MYRIP: variants seen among roughly 807,000 people sequenced by gnomAD.
MYRIP encodes myosin VIIA and Rab interacting protein.
In MYRIP, 49 loss-of-function variants were observed where a neutral mutation model predicts 98.0. That is an observed-to-expected ratio of 0.50 (90% CI 0.40 to 0.63). The LOEUF is 0.63. MYRIP is among the 30% of genes least tolerant of loss of function. MYRIP has a pLI of 0.00. For synonymous variants in MYRIP, 404 were observed against 409.5 expected (o/e 0.99, Z 0.16); for missense variants, 1,004 against 1,058.2 (o/e 0.95, Z 0.71).
intron 10 of MYRIP, among the ~76,000 whole-genome samples, chr3:40,200,408 A>C (rs574276782): frequency 7.9e-5 from 12 of 152,222 alleles, no homozygotes; most frequent in South Asian, 6.2e-4. Context: ...GGAGGAAAAA[A>C]ATGTGCATAA....
At position 40,259,665 on chromosome 3, in the gene MYRIP, G is replaced by A. The variant is rs1205892827; in HGVS notation, c.*1499G>A. The A allele has an allele frequency of 6.6e-6, 1 of 152,210 alleles. No homozygotes were observed. The highest frequency in any genetic ancestry group is 1.5e-5 in the Non-Finnish European group (1 of 68,036). The allele number at this position is 152,210 out of a possible 1,614,324, so 9.4% of individuals were successfully genotyped here. A position where few individuals can be genotyped will look rare whatever the true frequency, so the allele number is the denominator to read the frequency against. On this transcript the variant is annotated 3_prime_UTR_variant, in exon 17 of 17. Transcript: ENST00000302541. ...GATTTTCTGCTAACTTGTGTGCTAT[G>A]ATCCACTCCTGATGGGGGTCTACAT...
chr3:39,884,000 A>G (rs1336142706), intron 1 of MYRIP, among the ~76,000 whole-genome samples: 1 of 152,126 alleles, frequency 6.6e-6, no homozygotes, highest in Non-Finnish European at 1.5e-5. Context: ...TAAACTCTCT[A>G]CAAATCAGGA....
intron 2 of MYRIP, among the ~76,000 whole-genome samples, chr3:39,976,453 T>C (rs1945752721): frequency 6.6e-6 from 1 of 152,228 alleles, no homozygotes; most frequent in African/African-American, 2.4e-5. Flanking sequence ...GGTGGGACTC[T>C]AACCTAGTTC....
At chr3:39,811,154 C>G (rs529559848) in intron 1 of MYRIP, among the ~76,000 whole-genome samples, 3 of 152,146 alleles carry the variant, frequency 2.0e-5, no homozygotes, top group Non-Finnish European at 2.9e-5. Flanking sequence ...CCTAGCCTCT[C>G]TTGCCATTAT....
intron 3 of MYRIP, among the ~76,000 whole-genome samples, chr3:40,093,693 A>G (rs1209814897): frequency 6.6e-6 from 1 of 152,120 alleles, no homozygotes; most frequent in Non-Finnish European, 1.5e-5. Flanking sequence ...ACATTTTTCA[A>G]ACAGAAGTGA....
intron 11 of MYRIP, among the ~76,000 whole-genome samples, chr3:40,225,204 TG>T (rs1276217692): frequency 6.6e-6 from 1 of 152,114 alleles, no homozygotes; most frequent in Admixed American, 6.5e-5. Context: ...GGATTCCACT[TG>T]GAACAGGTTT....
chr3:40,020,215 C>A (rs1297949160), intron 2 of MYRIP, among the ~76,000 whole-genome samples: 2 of 152,176 alleles, frequency 1.3e-5, no homozygotes, highest in Non-Finnish European at 2.9e-5. Flanking sequence ...ATGTTTACCT[C>A]CCACTTACAA....
intron 1 of MYRIP, among the ~76,000 whole-genome samples, chr3:39,851,130 C>T (rs1942119035): frequency 6.6e-6 from 1 of 152,098 alleles, no homozygotes; most frequent in African/African-American, 2.4e-5. Context: ...TCTCTAAGAC[C>T]AGTCATTGCA....
chr3:40,215,110 G>A lies in MYRIP; in HGVS notation c.1905+5017G>A, dbSNP rs559666935. On this transcript the variant is annotated intron_variant, in intron 11 of 16. Transcript: ENST00000302541. The stretch of plus-strand genomic sequence containing the variant: ...AACATGAGCATTTATTAAAGGCCTA[G>A]ATTAGGAAAATCTTGCACTATAGTC... Among the ~76,000 whole-genome samples the A allele has an allele frequency of 2.0e-5, 3 of 152,304 alleles. No individual in the cohort carries two copies. The East Asian group carries it at 5.8e-4, about 29-fold the overall frequency.
At chr3:40,143,503 C>T (rs1949951866) in intron 3 of MYRIP, among the ~76,000 whole-genome samples, 1 of 152,174 alleles carries the variant, frequency 6.6e-6, no homozygotes, top group Non-Finnish European at 1.5e-5. Flanking sequence ...GCAATAAAAT[C>T]AGTAATATCA....
intron 1 of MYRIP, among the ~76,000 whole-genome samples, chr3:39,866,972 A>C (rs2125625328): frequency 6.6e-6 from 1 of 152,300 alleles, no homozygotes; most frequent in Admixed American, 6.5e-5. Context: ...ACTGACATAA[A>C]AACCAGTTCA....
In MYRIP at chr3:40,210,039, G is replaced by A. The variant is rs764877563; in HGVS notation, c.1851G>A (p.Lys617=). 1 of 1,614,076 alleles carries A rather than the reference G, an allele frequency of 6.2e-7. No homozygotes were observed. Among genetic ancestry groups the A allele is most frequent in the Non-Finnish European group, 8.5e-7 (1 of 1,179,970 alleles). ...SEPKTESENQ[K]ESLSSEDNSQ... ...CCAAGACAGAATCTGAGAACCAGAA[G>A]GAAAGTCTGTCCTCTGAAGACAACA... Residue 617 remains lysine, a synonymous_variant, in exon 11 of 17, where the codon AAG becomes AAA. Coordinates refer to ENST00000302541, the MANE Select transcript of MYRIP (RefSeq NM_015460.4).
intron 2 of MYRIP, among the ~76,000 whole-genome samples, chr3:39,941,991 C>T (rs955547573): frequency 1.1e-4 from 16 of 152,100 alleles, no homozygotes; most frequent in African/African-American, 2.9e-4. Flanking sequence ...ATGTTTGATC[C>T]TTTTGAAACT....
intron 1 of MYRIP, among the ~76,000 whole-genome samples, chr3:39,875,504 T>A (rs553615082): frequency 6.6e-6 from 1 of 152,048 alleles, no homozygotes; most frequent in South Asian, 2.1e-4. Context: ...CTCTACATCC[T>A]GCTTTGAATG....
intron 9 of MYRIP, 136 bp from the exon 10 acceptor site, chr3:40,189,690 C>A (rs1951145870): frequency 1.1e-6 from 1 of 926,992 alleles, no homozygotes; most frequent in Non-Finnish European, 1.6e-6. Flanking sequence ...TTGGGTTTGC[C>A]TTCCTGGGCT....
chr3:39,847,108 G>A (rs939210598), intron 1 of MYRIP, among the ~76,000 whole-genome samples: 1 of 152,074 alleles, frequency 6.6e-6, no homozygotes, highest in Non-Finnish European at 1.5e-5. Flanking sequence ...AATAATCACA[G>A]GTCCATCCTT....
rs576403560 is a variant in MYRIP at position 40,078,370 on chromosome 3, T to C, written c.332+34099T>C. Among the ~76,000 whole-genome samples, 3 of 152,276 alleles carry C rather than the reference T, an allele frequency of 2.0e-5. No individual in the cohort carries two copies. In the East Asian group the frequency reaches 5.8e-4, roughly 30 times the overall value. On this transcript the variant is annotated intron_variant, in intron 3 of 16. Coordinates refer to ENST00000302541, the MANE Select transcript of MYRIP (RefSeq NM_015460.4). ...CCAGCCCAGAAAGAGGCTCCCACAG[T>C]GCAGCGGTGGGCTGAAGGGCTCCTC... is the stretch of plus-strand genomic sequence containing the variant.
intron 2 of MYRIP, among the ~76,000 whole-genome samples, chr3:39,978,191 A>G (rs1195351826): frequency 6.6e-6 from 1 of 152,214 alleles, no homozygotes; most frequent in Non-Finnish European, 1.5e-5. Flanking sequence ...GGGGTGACAT[A>G]TAATGCATTC....
intron 2 of MYRIP, among the ~76,000 whole-genome samples, chr3:39,974,753 A>G (rs141119480): frequency 2.0e-5 from 3 of 152,320 alleles, no homozygotes; most frequent in African/African-American, 4.8e-5. Context: ...ACATATGCAA[A>G]TCAATAAACA....
Sources: gnomAD v4.1 joint callset for allele counts (sites outside exome capture counted in the v4.1 genomes callset) on GRCh38, gnomAD v4.1.1 for gene constraint, MANE v1.5 for transcripts, NCBI Gene and HGNC (gene_info 2026-07-23, HGNC 2026-07-21) for gene names.